PTPRD: variants seen among roughly 807,000 people sequenced by gnomAD.
PTPRD encodes protein tyrosine phosphatase receptor type D.
In PTPRD, 34 loss-of-function variants were observed where a neutral mutation model predicts 214.5. That is an observed-to-expected ratio of 0.16 (90% CI 0.12 to 0.21). The LOEUF (loss-of-function observed/expected upper bound fraction) is 0.21, where lower values mean the gene tolerates loss of function less well. PTPRD is among the 10% of genes least tolerant of loss of function. The probability of loss-of-function intolerance (pLI) is 1.00; values close to 1 mark genes in which losing one functional copy is unlikely to be tolerated. For synonymous variants in PTPRD, 1,128 were observed against 845.7 expected, an observed-to-expected ratio of 1.33 and a Z score of -5.79; for missense variants, 2,545 against 2,398.7, an observed-to-expected ratio of 1.06 and a Z score of -1.27.
At chr9:10,334,667 C>G (rs1047710008) in intron 3 of PTPRD, among the ~76,000 whole-genome samples, 2 of 151,336 alleles carry the variant, frequency 1.3e-5, no homozygotes, top group Non-Finnish European at 3.0e-5. Context: ...AAATCCAGAA[C>G]AACAACAACA....
intron 5 of PTPRD, among the ~76,000 whole-genome samples, chr9:9,794,339 G>A (rs2098987955): frequency 1.3e-5 from 2 of 152,090 alleles, no homozygotes; most frequent in African/African-American, 4.8e-5. Flanking sequence ...AGGCCTTAAA[G>A]GATGCTTAGA....
chr9:8,595,086 A>G (rs2094403309), intron 14 of PTPRD, among the ~76,000 whole-genome samples: 1 of 150,388 alleles, frequency 6.6e-6, no homozygotes, highest in African/African-American at 2.4e-5. Context: ...AATGGTCTAG[A>G]TCTCCTGACC....
intron 7 of PTPRD, among the ~76,000 whole-genome samples, chr9:9,681,622 A>C (rs1381766036): frequency 1.3e-5 from 2 of 151,796 alleles, no homozygotes; most frequent in African/African-American, 4.8e-5. Flanking sequence ...TCTTAAAAGA[A>C]GCAAACACCA....
chr9:10,468,101 C>T (rs1362274332), intron 2 of PTPRD, among the ~76,000 whole-genome samples: 2 of 152,146 alleles, frequency 1.3e-5, no homozygotes, highest in South Asian at 2.1e-4. Context: ...GGCATTTCCT[C>T]AAGGATCTAG....
At chr9:8,397,559 C>A (rs546871850) in intron 36 of PTPRD, among the ~76,000 whole-genome samples, 1 of 152,172 alleles carries the variant, frequency 6.6e-6, no homozygotes, top group South Asian at 2.1e-4. Flanking sequence ...AGCATGGGTA[C>A]AATGTGAAAT....
intron 9 of PTPRD, among the ~76,000 whole-genome samples, chr9:9,355,112 G>A (rs941434652): frequency 6.6e-6 from 1 of 151,676 alleles, no homozygotes; most frequent in African/African-American, 2.4e-5. Flanking sequence ...TATACAATTT[G>A]GTGAGTGTGG....
intron 39 of PTPRD, 143 bp downstream of exon 39, chr9:8,375,793 C>A: frequency 1.1e-6 from 1 of 885,498 alleles, no homozygotes. Flanking sequence ...TTGATGTTAG[C>A]ATAGGCCTCA....
At chr9:10,193,037 A>G (rs968757874) in intron 3 of PTPRD, among the ~76,000 whole-genome samples, 4 of 152,114 alleles carry the variant, frequency 2.6e-5, no homozygotes, top group Admixed American at 2.6e-4. Flanking sequence ...ATTACAGTAT[A>G]GGCCAATTTT....
chr9:9,948,746 G>A (rs1180749977), intron 4 of PTPRD, among the ~76,000 whole-genome samples: 1 of 151,998 alleles, frequency 6.6e-6, no homozygotes, highest in South Asian at 2.1e-4. Flanking sequence ...ATAAGAGAAA[G>A]GAGATTTATT....
intron 3 of PTPRD, among the ~76,000 whole-genome samples, chr9:10,100,472 G>C (rs2098541092): frequency 6.6e-6 from 1 of 151,526 alleles, no homozygotes; most frequent in South Asian, 2.1e-4. Context: ...AAAAATATCT[G>C]ACAAACTAGA....
rs189232258 is a variant in PTPRD at position 9,931,549 on chromosome 9, T to C, written c.-368+6958A>G. Among the ~76,000 whole-genome samples the C allele has an allele frequency of 5.4e-3, 821 of 151,836 alleles. 9 individuals carry two copies. The highest frequency in any genetic ancestry group is 0.018 in the African/African-American group (735 of 41,560). On this transcript the variant is annotated intron_variant, in intron 5 of 45. Transcript: ENST00000381196. ...TAAAAAACAGTGCACCAGGAGATTA[T>C]ATCCCGCACGTGGCTCGGAGGGTCC...
chr9:8,670,317 C>G (rs2097257578), intron 12 of PTPRD, among the ~76,000 whole-genome samples: 1 of 152,108 alleles, frequency 6.6e-6, no homozygotes. Context: ...CTTTCCCTCC[C>G]CTGACCTGTA....
At chr9:10,267,524 T>TGAGA (rs1564894974) in intron 3 of PTPRD, among the ~76,000 whole-genome samples, 1 of 152,142 alleles carries the variant, frequency 6.6e-6, no homozygotes, top group East Asian at 1.9e-4. Flanking sequence ...TAGCAAGATA[T>TGAGA]GAGAAAGAAA....
intron 12 of PTPRD, among the ~76,000 whole-genome samples, chr9:8,659,071 C>T (rs548738569): frequency 7.5e-6 from 1 of 133,152 alleles, no homozygotes; most frequent in South Asian, 2.4e-4. Flanking sequence ...AAAGAAGTAA[C>T]TGGAAAAAAA....
At chr9:10,106,609 G>A (rs2098635472) in intron 3 of PTPRD, among the ~76,000 whole-genome samples, 1 of 151,798 alleles carries the variant, frequency 6.6e-6, no homozygotes, top group South Asian at 2.1e-4. Flanking sequence ...AAAAGGCATT[G>A]GGTTATGAGA....
chr9:8,341,798 A>T lies in PTPRD; in HGVS notation c.4842T>A (p.Thr1614=), dbSNP rs1852721493. 2 of 1,613,636 alleles carry T rather than the reference A, an allele frequency of 1.2e-6. No homozygotes were observed. Among genetic ancestry groups the T allele is most frequent in the Non-Finnish European group, 1.7e-6 (2 of 1,179,736 alleles). The part of the protein sequence containing the change: ...FIHDALLEAV[T]CGNTEVPARN... ...TAGCTGGCACTTCGGTATTTCCACA[A>T]GTCACTGCTTCTAACAGTGCATCAT... The change falls in exon 40 of 46, where the codon ACT becomes ACA. Residue 1614 remains threonine, a synonymous_variant. Coordinates refer to ENST00000381196, the MANE Select transcript of PTPRD (RefSeq NM_002839.4).
intron 9 of PTPRD, among the ~76,000 whole-genome samples, chr9:9,358,552 A>G (rs888631705): frequency 6.6e-6 from 1 of 151,282 alleles, no homozygotes; most frequent in Non-Finnish European, 1.5e-5. Context: ...TTTACAGAGA[A>G]TCAATTAAGT....
At chr9:10,431,145 T>C (rs1768167576) in intron 2 of PTPRD, among the ~76,000 whole-genome samples, 1 of 151,978 alleles carries the variant, frequency 6.6e-6, no homozygotes, top group Non-Finnish European at 1.5e-5. Flanking sequence ...AGTCTCCTTT[T>C]ATTGATTCTC....
intron 35 of PTPRD, among the ~76,000 whole-genome samples, chr9:8,418,175 T>G (rs912575993): frequency 9.2e-5 from 14 of 152,102 alleles, no homozygotes; most frequent in African/African-American, 3.1e-4. Flanking sequence ...ATTTCTGACT[T>G]TTTTGCACTG....
Sources: allele counts gnomAD v4.1 joint callset (sites outside exome capture counted in the v4.1 genomes callset), GRCh38; gene constraint gnomAD v4.1.1; transcripts MANE v1.5; gene names NCBI Gene and HGNC (gene_info 2026-07-23, HGNC 2026-07-21).